Variants in AGBL4 observed in about 807,000 individuals in gnomAD.
AGBL4 encodes the protein AGBL carboxypeptidase 4.
AGBL4 carries 58 observed loss-of-function variants against 66.4 expected under a neutral mutation model. The observed-to-expected ratio is 0.87, with a 90% confidence interval of 0.71 to 1.09. AGBL4 has a LOEUF of 1.09. Among genes scored for constraint, AGBL4 ranks in the 50% least tolerant of loss-of-function variants. The pLI, the probability that AGBL4 is intolerant of heterozygous loss-of-function variation, is 0.00. For synonymous variants in AGBL4, 234 were observed against 222.9 expected (o/e 1.05, Z -0.44); for missense variants, 579 against 631.0 (o/e 0.92, Z 0.88).
chr1:48,705,439 A>G (rs1208616978), intron 6 of AGBL4, among the ~76,000 whole-genome samples: 1 of 152,240 alleles, frequency 6.6e-6, no homozygotes, highest in Non-Finnish European at 1.5e-5. Flanking sequence ...CATTTATTGC[A>G]TACTTGCCAT....
intron 3 of AGBL4, among the ~76,000 whole-genome samples, chr1:49,624,892 C>T (rs747983505): frequency 6.6e-6 from 1 of 152,148 alleles, no homozygotes; most frequent in Non-Finnish European, 1.5e-5. Context: ...CCAATCTTAA[C>T]TAATATACTT....
intron 3 of AGBL4, chr1:49,268,381 C>T (rs1643972357): frequency 6.7e-6 from 1 of 148,596 alleles, no homozygotes; most frequent in Non-Finnish European, 1.5e-5. Flanking sequence ...TCAGGCAAAA[C>T]CAAAATTCCT....
At chr1:49,628,718 T>C (rs937443737) in intron 3 of AGBL4, among the ~76,000 whole-genome samples, 30 of 152,230 alleles carry the variant, frequency 2.0e-4, no homozygotes, top group Non-Finnish European at 3.1e-4. Context: ...CTTTGGACTA[T>C]ATTGTGACAG....
chr1:49,714,975 T>G (rs1203536898), intron 2 of AGBL4, among the ~76,000 whole-genome samples: 5 of 152,112 alleles, frequency 3.3e-5, no homozygotes, highest in African/African-American at 1.2e-4. Context: ...TTAAAAATTT[T>G]TTCAATTATA....
At chr1:48,749,547 C>G (rs1169585013) in intron 6 of AGBL4, among the ~76,000 whole-genome samples, 1 of 152,218 alleles carries the variant, frequency 6.6e-6, no homozygotes, top group Non-Finnish European at 1.5e-5. Context: ...TTCCACTACC[C>G]TACCCCTCCT....
Position 49,110,316 on chromosome 1 carries a change from G to T in AGBL4, c.378-64516C>A, listed in dbSNP as rs1284007869. Among the ~76,000 whole-genome samples the T allele has an allele frequency of 3.9e-5, 6 of 152,200 alleles. No homozygotes were observed. In the East Asian group the frequency reaches 1.2e-3, roughly 29 times the overall value. On this transcript the variant is annotated intron_variant, in intron 4 of 13. Transcript: ENST00000371839. ...AGAAAATCACATATCTAAGTAGAAG[G>T]ATTACAATTTACATTCATTATATCA...
intron 1 of AGBL4, chr1:49,994,795 A>G (rs191726765): frequency 1.3e-5 from 4 of 296,474 alleles, no homozygotes; most frequent in Non-Finnish European, 2.6e-5. Context: ...ACTCCATAAG[A>G]CAGTTGAAAA....
intron 2 of AGBL4, among the ~76,000 whole-genome samples, chr1:49,807,431 T>C (rs1282743935): frequency 6.6e-6 from 1 of 152,196 alleles, no homozygotes; most frequent in Non-Finnish European, 1.5e-5. Flanking sequence ...CCTTTCCTAT[T>C]TCTCCCTTTT....
At chr1:49,384,515 C>T (rs1335122971) in intron 3 of AGBL4, among the ~76,000 whole-genome samples, 1 of 151,906 alleles carries the variant, frequency 6.6e-6, no homozygotes. Flanking sequence ...ATTGCTGGAA[C>T]CTGGGAGGCG....
intron 5 of AGBL4, among the ~76,000 whole-genome samples, chr1:48,946,493 C>T (rs1039892351): frequency 6.6e-6 from 1 of 152,178 alleles, no homozygotes; most frequent in Non-Finnish European, 1.5e-5. Context: ...AGGTACAAGT[C>T]CTTAAGCAAT....
chr1:49,200,765 T>C (rs1345567334), intron 4 of AGBL4, among the ~76,000 whole-genome samples: 1 of 152,212 alleles, frequency 6.6e-6, no homozygotes, highest in African/African-American at 2.4e-5. Context: ...CTTAGCAATC[T>C]GTAAACTCCC....
intron 1 of AGBL4, among the ~76,000 whole-genome samples, chr1:49,952,604 C>A (rs1394522269): frequency 2.6e-5 from 4 of 151,900 alleles, no homozygotes; most frequent in African/African-American, 9.7e-5. Flanking sequence ...ACCTCTGACT[C>A]CAAAGCTCAT....
At chr1:48,755,659 G>C (rs1411702334) in intron 6 of AGBL4, among the ~76,000 whole-genome samples, 1 of 152,142 alleles carries the variant, frequency 6.6e-6, no homozygotes, top group Non-Finnish European at 1.5e-5. Flanking sequence ...GGTGTTTATA[G>C]ATCAGGATCT....
chr1:49,001,514 C>T (rs1661392399), intron 5 of AGBL4, among the ~76,000 whole-genome samples: 1 of 152,178 alleles, frequency 6.6e-6, no homozygotes, highest in African/African-American at 2.4e-5. Flanking sequence ...TTGCAGTGAC[C>T]TGTGCTTCTC....
intron 4 of AGBL4, among the ~76,000 whole-genome samples, chr1:49,139,378 C>A (rs986922279): frequency 6.6e-6 from 1 of 152,174 alleles, no homozygotes; most frequent in Non-Finnish European, 1.5e-5. Flanking sequence ...TTTATTCATT[C>A]ATCCATCTAC....
intron 11 of AGBL4, among the ~76,000 whole-genome samples, chr1:48,550,281 C>A (rs887703890): frequency 2.0e-4 from 30 of 151,576 alleles, no homozygotes; most frequent in African/African-American, 7.3e-4. Flanking sequence ...TTCACTGGGG[C>A]CAAAATCTAG....
At chr1:49,282,485 A>G (rs1389357290) in intron 3 of AGBL4, among the ~76,000 whole-genome samples, 1 of 152,218 alleles carries the variant, frequency 6.6e-6, no homozygotes, top group African/African-American at 2.4e-5. Flanking sequence ...ACAATGGAGA[A>G]CTAACAAAAT....
At chr1:49,668,504 G>A (rs141274075) in intron 3 of AGBL4, among the ~76,000 whole-genome samples, 1 of 152,084 alleles carries the variant, frequency 6.6e-6, no homozygotes, top group Non-Finnish European at 1.5e-5. Flanking sequence ...ATACTAATAG[G>A]TTCACATACA....
intron 3 of AGBL4, among the ~76,000 whole-genome samples, chr1:49,370,494 A>T (rs1322482812): frequency 6.6e-6 from 1 of 152,172 alleles, no homozygotes; most frequent in East Asian, 1.9e-4. Flanking sequence ...GGACCACCCA[A>T]ATTATTGTGG....
Sources: gnomAD v4.1 joint callset for allele counts (sites outside exome capture counted in the v4.1 genomes callset) on GRCh38, gnomAD v4.1.1 for gene constraint, MANE v1.5 for transcripts, NCBI Gene and HGNC (gene_info 2026-07-23, HGNC 2026-07-21) for gene names.